Variants in GNE observed in about 807,000 individuals in gnomAD.
The protein encoded by GNE is glucosamine (UDP-N-acetyl)-2-epimerase/N-acetylmannosamine kinase.
Under a neutral mutation model 61.8 loss-of-function variants are expected in GNE, and 41 were observed. The ratio of observed to expected loss-of-function variants is 0.66; its 90% CI spans 0.52 to 0.86. The LOEUF is 0.86. Among genes scored for constraint, GNE ranks in the 40% least tolerant of loss-of-function variants. The pLI is 0.00. For synonymous variants in GNE, 264 were observed against 326.4 expected (o/e 0.81, Z 2.06); for missense variants, 608 against 909.1 (o/e 0.67, Z 4.26).
At chr9:36,226,339 A>ATT (rs35541515) in intron 7 of GNE, among the ~76,000 whole-genome samples, 24,038 of 141,100 alleles carry the variant, frequency 0.17, 2,229 homozygotes, top group Non-Finnish European at 0.21. Flanking sequence ...TGCCCAGCTA[A>ATT]TTTTTTTTTT....
intron 3 of GNE, among the ~76,000 whole-genome samples, chr9:36,238,145 C>CACACAT (rs1554661823): frequency 3.3e-5 from 5 of 149,362 alleles, no homozygotes; most frequent in Admixed American, 6.7e-5. Context: ...CACACACACA[C>CACACAT]ATATATATAC....
At position 36,216,327 on chromosome 9, in the gene GNE, A is replaced by ATGTATGTGTGTG. The variant is rs372445601; in HGVS notation, c.*1037_*1038insCACACACATACA. ...TTAGTTTGGGGTTAGAGGAGGAAGG[A>ATGTATGTGTGTG]TGTGTGTGTGTGTGTGTGTGTGTGT... On this transcript the variant is annotated 3_prime_UTR_variant, in exon 12 of 12. Coordinates refer to ENST00000642385, the MANE Select transcript of GNE (RefSeq NM_005476.7). The ATGTATGTGTGTG allele has an allele frequency of 6.0e-6, 2 of 336,026 alleles. No homozygotes were observed. The highest frequency in any genetic ancestry group is 4.9e-5 in the African/African-American group (2 of 41,150). The allele number at this position is 336,026 out of a possible 1,614,324, so 20.8% of individuals were successfully genotyped here.
chr9:36,240,022 G>T (rs1246207956), intron 3 of GNE, among the ~76,000 whole-genome samples: 1 of 152,124 alleles, frequency 6.6e-6, no homozygotes, highest in African/African-American at 2.4e-5. Context: ...CTTGTATCCA[G>T]AAACTTTGCT....
At chr9:36,237,800 A>G (rs1401052325) in intron 3 of GNE, among the ~76,000 whole-genome samples, 1 of 151,920 alleles carries the variant, frequency 6.6e-6, no homozygotes, top group African/African-American at 2.4e-5. Context: ...GTAGTCTTCT[A>G]TCCCTCGCCC....
At chr9:36,247,159 C>T (rs1031224664) in intron 2 of GNE, among the ~76,000 whole-genome samples, 3 of 151,970 alleles carry the variant, frequency 2.0e-5, no homozygotes, top group Non-Finnish European at 4.4e-5. Flanking sequence ...CAGGTTCAAG[C>T]GATTCTCCTG....
In GNE at chr9:36,227,323, A is replaced by T; in HGVS notation, c.1206T>A (p.His402Gln). 6.2e-7 allele frequency: 1 copy of T among 1,612,440 alleles called. No individual in the cohort carries two copies. The highest frequency in any genetic ancestry group is 2.2e-5 in the East Asian group (1 of 44,878). Reference sequence around the variant, plus strand: ...CCAAGGCACTTAGAGTTTCAAGAATATGGTCAATATCTTGAGAGATATTCT... The same window carrying T: ...CCAAGGCACTTAGAGTTTCAAGAATTTGGTCAATATCTTGAGAGATATTCT... ...VKENISQDIDHILETLSALAV... is the reference protein window; with the variant it reads ...VKENISQDIDQILETLSALAV... Residue 402 changes from histidine (H) to glutamine (Q), a missense_variant, in exon 7 of 12, where the codon CAT becomes CAA. His to Gln is a conservative substitution (Grantham distance 24). Transcript: ENST00000642385.
At chr9:36,225,607 C>T (rs1828824769) in intron 7 of GNE, among the ~76,000 whole-genome samples, 1 of 152,152 alleles carries the variant, frequency 6.6e-6, no homozygotes, top group Non-Finnish European at 1.5e-5. Flanking sequence ...TGCACTCCAG[C>T]CTGGGCGACA....
At chr9:36,256,294 G>C (rs562727834) in intron 1 of GNE, among the ~76,000 whole-genome samples, 1 of 142,242 alleles carries the variant, frequency 7.0e-6, no homozygotes, top group Non-Finnish European at 1.5e-5. Flanking sequence ...GCCCAGGCTG[G>C]AGTGCAGTGG....
In GNE at chr9:36,242,826, C is replaced by T. The variant is rs543276977; in HGVS notation, c.616+3205G>A. 6.2e-3 allele frequency among the ~76,000 whole-genome samples: 928 copies of T among 148,894 alleles called. 11 individuals are homozygous for T. The highest frequency in any genetic ancestry group is 0.021 in the African/African-American group (848 of 40,148). On this transcript the variant is annotated intron_variant, in intron 3 of 11. Coordinates refer to ENST00000642385, the MANE Select transcript of GNE (RefSeq NM_005476.7). ...GTGGTGCAATCTCGGCTCACAGCAA[C>T]CTCCCTGGGTTCAAGCAATTCTCCT...
chr9:36,276,590 C>G (rs1393751116), intron 1 of GNE, among the ~76,000 whole-genome samples: 1 of 152,034 alleles, frequency 6.6e-6, no homozygotes, highest in East Asian at 1.9e-4. Context: ...ACAGAGATCT[C>G]AAAAAGTAAA....
chr9:36,219,801 A>G (rs1828500543), intron 10 of GNE, 37 bp downstream of exon 10: 2 of 1,565,410 alleles, frequency 1.3e-6, no homozygotes, highest in East Asian at 2.2e-5. Flanking sequence ...CTTGTCTACT[A>G]TTTGGTTACT....
Position 36,216,135 on chromosome 9 carries a change from A to C in GNE, c.*1230T>G, listed in dbSNP as rs1828263118. 5.6e-6 allele frequency: 2 copies of C among 358,232 alleles called. No individual in the cohort carries two copies. The highest frequency in any genetic ancestry group is 4.2e-5 in the African/African-American group (2 of 47,350). 22.2% of individuals were successfully genotyped at this position (358,232 alleles called of 1,614,324 possible). On this transcript the variant is annotated 3_prime_UTR_variant, in exon 12 of 12. Coordinates refer to ENST00000642385, the MANE Select transcript of GNE (RefSeq NM_005476.7). ...GATATCTGAGATGGGGGAGTGATAGATATGTCCAGTGTCTTGATTGTGGTG... is the reference window on the plus strand; with the variant it reads ...GATATCTGAGATGGGGGAGTGATAGCTATGTCCAGTGTCTTGATTGTGGTG...
chr9:36,229,231 T>C (rs1829033736), intron 5 of GNE, 123 bp from the exon 6 acceptor site: 2 of 734,208 alleles, frequency 2.7e-6, no homozygotes, highest in African/African-American at 1.7e-5. Flanking sequence ...GGTTAAGTCT[T>C]TTGTTAGGGA....
chr9:36,265,037 G>T (rs1484499210), intron 1 of GNE: 1 of 286,920 alleles, frequency 3.5e-6, no homozygotes, highest in Non-Finnish European at 6.6e-6. Flanking sequence ...TGCCGCAGTC[G>T]CAGACCCGCC....
Position 36,263,701 on chromosome 9 carries a change from T to TG in GNE, c.51+13192dup, listed in dbSNP as rs1396059741. Reference sequence around the variant, plus strand: ...CACAAATTTTTCCTAAAGTTTTTATTGAAGTGTTAATAAATACCTAAGCAG... The same window carrying TG: ...CACAAATTTTTCCTAAAGTTTTTATTGGAAGTGTTAATAAATACCTAAGCAG... On this transcript the variant is annotated intron_variant, in intron 1 of 11. Transcript: ENST00000396594. Among the ~76,000 whole-genome samples the TG allele has an allele frequency of 2.6e-5, 4 of 152,338 alleles. No homozygotes were observed. The East Asian group carries it at 7.7e-4, about 29-fold the overall frequency.
chr9:36,251,993 T>TTC (rs1830122982), intron 1 of GNE, among the ~76,000 whole-genome samples: 1 of 150,782 alleles, frequency 6.6e-6, no homozygotes, highest in African/African-American at 2.4e-5. Context: ...GATCTTTTTT[T>TTC]TTTTTTTTTT....
At chr9:36,255,078 A>G (rs1157983021) in intron 1 of GNE, among the ~76,000 whole-genome samples, 2 of 152,232 alleles carry the variant, frequency 1.3e-5, no homozygotes, top group Non-Finnish European at 2.9e-5. Context: ...GCTTGCTCTC[A>G]GTTTAGGTAG....
intron 1 of GNE, among the ~76,000 whole-genome samples, chr9:36,255,069 C>T (rs1164319468): frequency 6.6e-6 from 1 of 152,208 alleles, no homozygotes; most frequent in African/African-American, 2.4e-5. Flanking sequence ...ATATGGCCAG[C>T]TTGCTCTCAG....
intron 3 of GNE, among the ~76,000 whole-genome samples, chr9:36,242,164 GA>G (rs35198868): frequency 0.63 from 92,678 of 146,600 alleles, 30,008 homozygotes; most frequent in Non-Finnish European, 0.75. Flanking sequence ...TCAAAAAAAA[GA>G]AAAAAAAAAA....
Sources: gnomAD v4.1 joint callset for allele counts (sites outside exome capture counted in the v4.1 genomes callset) on GRCh38, gnomAD v4.1.1 for gene constraint, MANE v1.5 for transcripts, NCBI Gene and HGNC (gene_info 2026-07-23, HGNC 2026-07-21) for gene names.